Variants in GPR55 observed in about 807,000 individuals in gnomAD.
GPR55 encodes G protein-coupled receptor 55, also known as G-protein coupled receptor 55.
A neutral mutation model predicts 7.9 loss-of-function variants in GPR55; 6 were observed. The observed-to-expected ratio is 0.76, with a 90% CI of 0.41 to 1.49. The LOEUF (loss-of-function observed/expected upper bound fraction) is 1.49. Among genes scored for constraint, GPR55 ranks in the 40% most tolerant of loss-of-function variants. The pLI, the probability that GPR55 is intolerant of heterozygous loss-of-function variation, is 0.01. For synonymous variants in GPR55, 183 were observed against 166.8 expected (o/e 1.10, Z -0.75); for missense variants, 376 against 406.0 (o/e 0.93, Z 0.63).
chr2:230,948,833 T>C (rs1262342923), intron 1 of GPR55, among the ~76,000 whole-genome samples: 1 of 152,214 alleles, frequency 6.6e-6, no homozygotes, highest in Non-Finnish European at 1.5e-5. Flanking sequence ...ATCCCAGCAC[T>C]TTGGGAGGCA....
upstream of GPR55, among the ~76,000 whole-genome samples, chr2:230,927,155 C>T (rs566600444): frequency 5.9e-5 from 9 of 152,274 alleles, no homozygotes; most frequent in African/African-American, 1.9e-4. Flanking sequence ...CTCACCTACC[C>T]CCCAGGGCAC....
At chr2:230,916,181 C>G (rs2125051107) in intron 1 of GPR55, among the ~76,000 whole-genome samples, 1 of 151,900 alleles carries the variant, frequency 6.6e-6, no homozygotes, top group African/African-American at 2.4e-5. Context: ...TGAGACCAGC[C>G]TGGGCAACAT....
At chr2:230,951,401 C>T (rs1056521143) in intron 1 of GPR55, among the ~76,000 whole-genome samples, 1 of 152,118 alleles carries the variant, frequency 6.6e-6, no homozygotes, top group African/African-American at 2.4e-5. Flanking sequence ...TTCCCTGAAA[C>T]AATATGCATA....
At chr2:230,930,240 T>C (rs185668598), upstream of GPR55, among the ~76,000 whole-genome samples, 5 of 152,242 alleles carry the variant, frequency 3.3e-5, no homozygotes, top group Non-Finnish European at 5.9e-5. Flanking sequence ...TGGACCCTTT[T>C]GAAATACTTA....
chr2:230,937,448 GA>G (rs1259855165), intron 1 of GPR55, among the ~76,000 whole-genome samples: 1 of 58,252 alleles, frequency 1.7e-5, no homozygotes, highest in Non-Finnish European at 2.8e-5. Flanking sequence ...GGTCCCTGGG[GA>G]AAAAACACAG....
chr2:230,961,005 A>G (rs1323196035), exon 1 of GPR55: 1 of 152,230 alleles, frequency 6.6e-6, no homozygotes, highest in Non-Finnish European at 1.5e-5. Flanking sequence ...AGGAGAGGAA[A>G]AGTAACCATT....
At chr2:230,935,935 A>G (rs1691124751) in intron 1 of GPR55, among the ~76,000 whole-genome samples, 1 of 152,192 alleles carries the variant, frequency 6.6e-6, no homozygotes, top group Non-Finnish European at 1.5e-5. Context: ...GGACTTTTGG[A>G]CTTTGGATGC....
At position 230,911,062 on chromosome 2, in the gene GPR55, G is replaced by A; in HGVS notation, c.-100C>T. ...GTCAAGAATCACAAACACCTCCCCA[G>A]CATCACACAGCAATTCATGCCCATT... On this transcript the variant is annotated 5_prime_UTR_variant, in exon 2 of 2. Transcript: ENST00000650999. 2 of 1,174,528 alleles carry A rather than the reference G, an allele frequency of 1.7e-6. No homozygotes were observed. Among genetic ancestry groups the A allele is most frequent in the Non-Finnish European group, 1.2e-6 (1 of 822,480 alleles). 72.8% of individuals were successfully genotyped at this position (1,174,528 alleles called of 1,614,324 possible).
rs929393372 is a variant in GPR55 at position 230,909,631 on chromosome 2, C to G, written c.*372G>C. Reference sequence around the variant, plus strand: ...TGGCTCCCTCCTTTACCTCTTTTCTCTCTCTCTCTTTCTTTCCAGAACCTC... The same window carrying G: ...TGGCTCCCTCCTTTACCTCTTTTCTGTCTCTCTCTTTCTTTCCAGAACCTC... On this transcript the variant is annotated 3_prime_UTR_variant, in exon 2 of 2. Coordinates refer to ENST00000650999, the MANE Select transcript of GPR55 (RefSeq NM_005683.4). The G allele has an allele frequency of 4.7e-6, 1 of 214,746 alleles. No homozygotes were observed. Among genetic ancestry groups the G allele is most frequent in the Non-Finnish European group, 9.3e-6 (1 of 106,958 alleles). The allele number at this position is 214,746 out of a possible 1,614,324, so 13.3% of individuals were successfully genotyped here.
At chr2:230,947,856 C>G (rs1272344460) in intron 1 of GPR55, among the ~76,000 whole-genome samples, 1 of 152,096 alleles carries the variant, frequency 6.6e-6, no homozygotes, top group Admixed American at 6.6e-5. Context: ...GGTGCCCCCC[C>G]TCCAACTCCT....
Position 230,940,371 on chromosome 2 carries a change from GAGGGGTCC to G in GPR55, c.-135+20396_-135+20403del, listed in dbSNP as rs1409104730. On this transcript the variant is annotated intron_variant, in intron 1 of 1. Transcript: ENST00000392039. ...TCTGCAGATTCAAGGCCATCAGTGG[GAGGGGTCC>G]AGGCTCCCCAGGCCCAAAACTGCTG... is the stretch of plus-strand genomic sequence containing the variant. Among the ~76,000 whole-genome samples, 36 of 152,268 alleles carry G rather than the reference GAGGGGTCC, an allele frequency of 2.4e-4. 1 individual carries two copies. The South Asian group carries it at 7.3e-3, about 31-fold the overall frequency.
chr2:230,911,070 C>T lies in GPR55; in HGVS notation c.-108G>A. 1 of 1,139,238 alleles carries T rather than the reference C, an allele frequency of 8.8e-7. No individual in the cohort carries two copies. The highest frequency in any genetic ancestry group is 1.3e-6 in the Non-Finnish European group (1 of 791,250). 70.6% of individuals were successfully genotyped at this position (1,139,238 alleles called of 1,614,324 possible). The stretch of plus-strand genomic sequence containing the variant: ...TCACAAACACCTCCCCAGCATCACA[C>T]AGCAATTCATGCCCATTGAATCACA... On this transcript the variant is annotated 5_prime_UTR_variant, in exon 2 of 2. The change creates a new upstream start codon in the 5' untranslated region. Coordinates refer to ENST00000650999, the MANE Select transcript of GPR55 (RefSeq NM_005683.4).
At chr2:230,945,818 C>T (rs1044804403) in intron 1 of GPR55, among the ~76,000 whole-genome samples, 3 of 152,166 alleles carry the variant, frequency 2.0e-5, no homozygotes, top group African/African-American at 7.2e-5. Flanking sequence ...GTGATCCGTC[C>T]GCCTCGCCTC....
intron 1 of GPR55, 51 bp from the exon 2 acceptor site, chr2:230,911,147 C>A: frequency 1.7e-6 from 1 of 604,980 alleles, no homozygotes; most frequent in Non-Finnish European, 3.0e-6. Flanking sequence ...CCAGATGCAA[C>A]CACTGTTACT....
chr2:230,915,880 T>A (rs1197068747), intron 1 of GPR55, among the ~76,000 whole-genome samples: 1 of 151,662 alleles, frequency 6.6e-6, no homozygotes, highest in Admixed American at 6.6e-5. Flanking sequence ...AAGTCTCAGG[T>A]GGATGTGGCC....
chr2:230,948,182 G>T (rs997011827), intron 1 of GPR55, among the ~76,000 whole-genome samples: 2 of 152,044 alleles, frequency 1.3e-5, no homozygotes, highest in Admixed American at 1.3e-4. Flanking sequence ...TCTCCCGCAG[G>T]CCTCTGACAA....
chr2:230,939,802 G>A (rs1016323352), intron 1 of GPR55, among the ~76,000 whole-genome samples: 3 of 152,088 alleles, frequency 2.0e-5, no homozygotes, highest in Admixed American at 6.5e-5. Flanking sequence ...CCCCAGGCAC[G>A]ATGGGTGGAG....
chr2:230,921,808 C>T (rs1024818695), intron 1 of GPR55, among the ~76,000 whole-genome samples: 3 of 152,130 alleles, frequency 2.0e-5, no homozygotes, highest in African/African-American at 4.8e-5. Flanking sequence ...GGGCTGAACT[C>T]GGAGGGGCTA....
chr2:230,910,397 C>T lies in GPR55; in HGVS notation c.566G>A (p.Gly189Asp), dbSNP rs1481705970. 4 of 1,613,894 alleles carry T rather than the reference C, an allele frequency of 2.5e-6. No individual in the cohort carries two copies. In the Admixed American group the frequency reaches 6.7e-5, roughly 27 times the overall value. The change falls in exon 2 of 2, where the codon GGC (glycine) becomes GAC (aspartate). Residue 189 changes from glycine (G) to aspartate (D), a missense_variant. Physicochemically the swap from Gly to Asp is moderately conservative, Grantham distance 94 (BLOSUM62 -1). Transcript: ENST00000650999. The surrounding 1 kb of genome is among the most constrained non-coding windows in gnomAD (Gnocchi z 5.4). ...CATGATGCCCATGGGAAGGAGGAAGCCAAACACCTCCAGCGGGAAGAAGAC... is the reference window on the plus strand; with the variant it reads ...CATGATGCCCATGGGAAGGAGGAAGTCAAACACCTCCAGCGGGAAGAAGAC... ...AKVFFPLEVF[G>D]FLLPMGIMGF... is the part of the protein sequence containing the mutation.
Sources: allele counts gnomAD v4.1 joint callset (sites outside exome capture counted in the v4.1 genomes callset), GRCh38; gene constraint gnomAD v4.1.1; non-coding constraint Gnocchi (gnomAD v3.1); transcripts MANE v1.5; gene names NCBI Gene and HGNC (gene_info 2026-07-23, HGNC 2026-07-21).